PARP16: variants seen among roughly 807,000 people sequenced by gnomAD.
PARP16 encodes protein mono-ADP-ribosyltransferase PARP16.
PARP16 carries 31 observed loss-of-function variants against 35.0 expected under a neutral mutation model. The observed-to-expected ratio is 0.88, with a 90% confidence interval of 0.66 to 1.19. The LOEUF (loss-of-function observed/expected upper bound fraction) is 1.19, where lower values mean the gene tolerates loss of function less well. Among genes scored for constraint, PARP16 ranks in the 50% most tolerant of loss-of-function variants. PARP16 has a pLI of 0.00. For missense variants in PARP16, 424 were observed against 411.2 expected (o/e 1.03, Z -0.27); for synonymous variants, 162 against 169.5 (o/e 0.96, Z 0.34).
At chr15:65,248,309 T>C (rs979264118) in intron 2 of PARP16, 3 of 456,130 alleles carry the variant, frequency 6.6e-6, no homozygotes, top group Non-Finnish European at 1.3e-5. Context: ...AATGAGTGAA[T>C]GAATGCTTCT....
intron 5 of PARP16, 141 bp from the exon 6 acceptor site, chr15:65,259,683 C>G (rs1430061872): frequency 2.4e-6 from 2 of 823,176 alleles, no homozygotes; most frequent in African/African-American, 3.4e-5. Flanking sequence ...CTTCGTGCTT[C>G]CTTGCTCAAG....
At chr15:65,248,354 T>G in intron 2 of PARP16, 3 of 448,914 alleles carry the variant, frequency 6.7e-6, no homozygotes, top group South Asian at 4.7e-5. Flanking sequence ...AGAGGCTCAC[T>G]GACATATTAT....
intron 1 of PARP16, among the ~76,000 whole-genome samples, chr15:65,272,159 A>G (rs1473608261): frequency 6.6e-6 from 1 of 152,166 alleles, no homozygotes; most frequent in Non-Finnish European, 1.5e-5. Context: ...TTGGACCTCT[A>G]TGTGGACCAC....
chr15:65,273,591 A>G (rs2090157422), intron 1 of PARP16, among the ~76,000 whole-genome samples: 1 of 151,982 alleles, frequency 6.6e-6, no homozygotes, highest in Non-Finnish European at 1.5e-5. Context: ...TAATAAAACT[A>G]TCTCAGGTTG....
chr15:65,245,232 G>A (rs951713025), intron 3 of PARP16, among the ~76,000 whole-genome samples: 9 of 152,152 alleles, frequency 5.9e-5, no homozygotes, highest in East Asian at 1.9e-4. Flanking sequence ...TGGCTTCCTC[G>A]CCACCCCACC....
At chr15:65,286,210 G>C in intron 1 of PARP16, 43 bp downstream of exon 1, 2 of 1,457,866 alleles carry the variant, frequency 1.4e-6, no homozygotes, top group Non-Finnish European at 1.8e-6. Context: ...CAGGGCACTT[G>C]GTCCAGGACG....
Position 65,263,264 on chromosome 15 carries a change from T to C in PARP16, c.576A>G (p.Ile192Met), listed in dbSNP as rs1184658893. The change falls in exon 4 of 6, where the codon ATA (isoleucine) becomes ATG (methionine). Residue 192 changes from isoleucine (I) to methionine (M), a missense_variant. Ile to Met is a conservative substitution (Grantham distance 10, BLOSUM62 1). Transcript: ENST00000649807. Reference sequence around the variant, plus strand: ...GCCACCCATGGCCATGGGGGCTGTATATGAGGGCCAGGCTCAAGTCACTGG... The same window carrying C: ...GCCACCCATGGCCATGGGGGCTGTACATGAGGGCCAGGCTCAAGTCACTGG... ...YLTSDLSLAL[I>M]YSPHGHGWQH... 2 of 1,613,496 alleles carry C rather than the reference T, an allele frequency of 1.2e-6. No individual in the cohort carries two copies. Among genetic ancestry groups the C allele is most frequent in the Non-Finnish European group, 1.7e-6 (2 of 1,179,696 alleles).
intron 1 of PARP16, among the ~76,000 whole-genome samples, chr15:65,275,328 G>A (rs996214021): frequency 1.3e-5 from 2 of 152,106 alleles, no homozygotes; most frequent in African/African-American, 2.4e-5. Flanking sequence ...TGGTGGCATG[G>A]TTAATTGTGC....
At chr15:65,268,755 G>T (rs1011087718) in intron 2 of PARP16, among the ~76,000 whole-genome samples, 1 of 151,726 alleles carries the variant, frequency 6.6e-6, no homozygotes, top group Non-Finnish European at 1.5e-5. Context: ...CATTTCAGTG[G>T]TTTTTTCTTT....
chr15:65,240,353 T>TGC (rs2089034869), intron 3 of PARP16, among the ~76,000 whole-genome samples: 1 of 149,528 alleles, frequency 6.7e-6, no homozygotes, highest in South Asian at 2.1e-4. Flanking sequence ...TGTGTGTGTG[T>TGC]GTGTGTGTGT....
At chr15:65,271,895 A>C (rs985676702) in intron 1 of PARP16, among the ~76,000 whole-genome samples, 7 of 152,258 alleles carry the variant, frequency 4.6e-5, no homozygotes, top group African/African-American at 1.7e-4. Context: ...GCTTAAGGTA[A>C]AAATGACCCA....
chr15:65,277,090 G>A (rs1355125637), intron 1 of PARP16, among the ~76,000 whole-genome samples: 3 of 151,902 alleles, frequency 2.0e-5, no homozygotes, highest in African/African-American at 7.3e-5. Flanking sequence ...AAGGCACTTA[G>A]GAATCCAGTC....
At chr15:65,237,460 A>G (rs929256210) in intron 3 of PARP16, among the ~76,000 whole-genome samples, 7 of 152,212 alleles carry the variant, frequency 4.6e-5, no homozygotes, top group Non-Finnish European at 1.0e-4. Flanking sequence ...TTTTGAGAAG[A>G]GGAGGACATC....
rs749036732 is a variant in PARP16, at chr15:65,266,649, T to C, written c.432A>G (p.Glu144=). 32 of 1,613,996 alleles carry C rather than the reference T, an allele frequency of 2.0e-5. No homozygotes were observed. In the Admixed American group the frequency reaches 5.3e-4, roughly 27 times the overall value. Reference sequence around the variant, plus strand: ...CATGAAATGCATAGATTAGGTCTCGTTCTCCTTTGGTCTCATAAAATTTGG... The same window carrying C: ...CATGAAATGCATAGATTAGGTCTCGCTCTCCTTTGGTCTCATAAAATTTGG... ...ANAKFYETKG[E]RDLIYAFHGS... Residue 144 remains glutamate, a synonymous_variant, in exon 3 of 6, where the codon GAA becomes GAG. Transcript: ENST00000649807.
At chr15:65,242,176 A>G (rs543087354) in intron 3 of PARP16, among the ~76,000 whole-genome samples, 1 of 152,204 alleles carries the variant, frequency 6.6e-6, no homozygotes, top group Admixed American at 6.5e-5. Flanking sequence ...ATCAATTGAT[A>G]ATATGTGTAT....
At chr15:65,269,465 G>A (rs1015060029) in intron 2 of PARP16, among the ~76,000 whole-genome samples, 1 of 152,210 alleles carries the variant, frequency 6.6e-6, no homozygotes, top group Admixed American at 6.5e-5. Context: ...CAAAGTGCTG[G>A]GATTACAGGC....
intron 1 of PARP16, among the ~76,000 whole-genome samples, chr15:65,275,174 C>T (rs1180872075): frequency 6.6e-6 from 1 of 151,030 alleles, no homozygotes; most frequent in Admixed American, 6.6e-5. Context: ...ACTAAGAGGA[C>T]AAGGTGGGAC....
intron 2 of PARP16, among the ~76,000 whole-genome samples, chr15:65,249,760 C>G (rs2089304923): frequency 6.6e-6 from 1 of 152,254 alleles, no homozygotes; most frequent in African/African-American, 2.4e-5. Context: ...CTTGAGCAGG[C>G]AGTGGGGGTG....
At chr15:65,263,353 A>C (rs768942485) in intron 3 of PARP16, 33 bp from the exon 4 acceptor site, 61 of 1,532,058 alleles carry the variant, frequency 4.0e-5, no homozygotes, top group Non-Finnish European at 5.3e-5. Flanking sequence ...AAAGAAACAC[A>C]GATGGTTGAA....
Sources: gnomAD v4.1 joint callset for allele counts (sites outside exome capture counted in the v4.1 genomes callset) on GRCh38, gnomAD v4.1.1 for gene constraint, MANE v1.5 for transcripts, NCBI Gene and HGNC (gene_info 2026-07-23, HGNC 2026-07-21) for gene names.